Variants in SMYD3 observed in about 807,000 individuals in gnomAD.
The protein encoded by SMYD3 is histone-lysine N-methyltransferase SMYD3.
A neutral mutation model predicts 57.7 loss-of-function variants in SMYD3; 36 were observed. The ratio of observed to expected loss-of-function variants is 0.62; its 90% CI spans 0.48 to 0.82. SMYD3 has a LOEUF of 0.82. Ranked by LOEUF, SMYD3 falls within the 40% of genes least tolerant of loss-of-function variation. SMYD3 has a pLI of 0.00. For missense variants in SMYD3, 515 were observed against 538.8 expected, an observed-to-expected ratio of 0.96 and a Z score of 0.44; for synonymous variants, 211 against 195.0, an observed-to-expected ratio of 1.08 and a Z score of -0.68.
Position 245,948,877 on chromosome 1 carries a change from C to T in SMYD3, c.532-18940G>A, listed in dbSNP as rs188811392. Reference sequence around the variant, plus strand: ...CTTCAGGACACCTGGCCCAGTTCCACCAGCCCCAGTGACCAGGCAAGCCAT... The same window carrying T: ...CTTCAGGACACCTGGCCCAGTTCCATCAGCCCCAGTGACCAGGCAAGCCAT... On this transcript the variant is annotated intron_variant, in intron 5 of 11. Coordinates refer to ENST00000490107, the MANE Select transcript of SMYD3 (RefSeq NM_001167740.2). Among the ~76,000 whole-genome samples the T allele has an allele frequency of 1.3e-4, 20 of 152,356 alleles. No homozygotes were observed. In the East Asian group the frequency reaches 1.4e-3, roughly 10 times the overall value.
intron 10 of SMYD3, chr1:245,814,428 A>G (rs2048672744): frequency 1.0e-6 from 1 of 979,194 alleles, no homozygotes; most frequent in African/African-American, 1.8e-5. Context: ...GGGGGCAAAA[A>G]AAAAATAAAA....
intron 5 of SMYD3, among the ~76,000 whole-genome samples, chr1:246,180,835 A>G (rs934818898): frequency 1.5e-4 from 23 of 148,684 alleles, no homozygotes; most frequent in Non-Finnish European, 3.0e-4. Flanking sequence ...TAATCACTAT[A>G]CCTAGTTTCC....
At chr1:246,213,543 G>A (rs1350446666) in intron 5 of SMYD3, among the ~76,000 whole-genome samples, 1 of 152,090 alleles carries the variant, frequency 6.6e-6, no homozygotes, top group Non-Finnish European at 1.5e-5. Flanking sequence ...ACATTCTCAG[G>A]CCCTGCACAC....
chr1:246,439,687 T>C (rs1274118872), intron 1 of SMYD3, among the ~76,000 whole-genome samples: 1 of 143,848 alleles, frequency 7.0e-6, no homozygotes, highest in Admixed American at 7.3e-5. Context: ...ATAAATGTGC[T>C]AGAAGTACTA....
At chr1:246,056,370 T>C (rs35700971) in intron 5 of SMYD3, among the ~76,000 whole-genome samples, 8,023 of 152,118 alleles carry the variant, frequency 0.053, 270 homozygotes, top group Non-Finnish European at 0.068. Flanking sequence ...ATTCAACAAA[T>C]ACTTAGATAA....
At chr1:246,393,933 ATTGAAAACTAGCATT>A (rs2066614211) in intron 1 of SMYD3, among the ~76,000 whole-genome samples, 1 of 152,204 alleles carries the variant, frequency 6.6e-6, no homozygotes, top group African/African-American at 2.4e-5. Flanking sequence ...TATGGTGAAA[ATTGAAAACTAGCATT>A]AACAGCTAGA....
At chr1:246,106,613 A>G (rs1360695648) in intron 5 of SMYD3, among the ~76,000 whole-genome samples, 3 of 152,196 alleles carry the variant, frequency 2.0e-5, no homozygotes, top group Non-Finnish European at 4.4e-5. Flanking sequence ...AGGTGCCACA[A>G]GTCACTTAGG....
At chr1:246,234,545 A>G (rs1390564673) in intron 5 of SMYD3, among the ~76,000 whole-genome samples, 2 of 152,014 alleles carry the variant, frequency 1.3e-5, no homozygotes, top group African/African-American at 4.8e-5. Context: ...ATAGAGGAGA[A>G]GCACTCCTTC....
intron 5 of SMYD3, among the ~76,000 whole-genome samples, chr1:246,246,401 A>C (rs1206285904): frequency 6.6e-6 from 1 of 152,176 alleles, no homozygotes; most frequent in African/African-American, 2.4e-5. Context: ...CTGGAAAGTA[A>C]GTCTATTTGA....
chr1:245,815,788 C>T (rs1018036348), intron 10 of SMYD3, among the ~76,000 whole-genome samples: 2 of 152,200 alleles, frequency 1.3e-5, no homozygotes, highest in African/African-American at 4.8e-5. Context: ...AAATGAAAAT[C>T]GCTGTTTTTA....
At chr1:246,005,302 A>G (rs1287212325) in intron 5 of SMYD3, among the ~76,000 whole-genome samples, 1 of 152,254 alleles carries the variant, frequency 6.6e-6, no homozygotes, top group East Asian at 1.9e-4. Context: ...GACTCAGCAG[A>G]CAAGTATAAA....
intron 5 of SMYD3, among the ~76,000 whole-genome samples, chr1:246,119,539 A>T (rs772428082): frequency 4.0e-5 from 6 of 151,576 alleles, no homozygotes; most frequent in Admixed American, 1.3e-4. Context: ...CAGCCTCCTG[A>T]GTAGCTGAGA....
intron 1 of SMYD3, 57 bp downstream of exon 1, chr1:246,506,997 C>CCCCCCCCCCCCCCCCCA: frequency 3.2e-6 from 1 of 308,906 alleles, no homozygotes; most frequent in Admixed American, 9.1e-5. Context: ...ACGCCCCCCC[C>CCCCCCCCCCCCCCCCCA]TCCCCAGCAC....
At chr1:246,230,105 T>C in intron 5 of SMYD3, among the ~76,000 whole-genome samples, 1 of 152,170 alleles carries the variant, frequency 6.6e-6, no homozygotes, top group East Asian at 1.9e-4. Context: ...GTGTGAAGAT[T>C]TTCTAATCTG....
At chr1:246,173,680 C>T (rs2062382955) in intron 5 of SMYD3, among the ~76,000 whole-genome samples, 1 of 152,170 alleles carries the variant, frequency 6.6e-6, no homozygotes, top group Admixed American at 6.5e-5. Flanking sequence ...CTTCCACCTC[C>T]ATATCAGATC....
At chr1:245,861,782 C>A (rs2051562293) in intron 9 of SMYD3, among the ~76,000 whole-genome samples, 1 of 152,184 alleles carries the variant, frequency 6.6e-6, no homozygotes, top group Non-Finnish European at 1.5e-5. Flanking sequence ...GTCTTTGATG[C>A]CGCCATAAGT....
At chr1:246,195,632 C>T (rs71638317) in intron 5 of SMYD3, among the ~76,000 whole-genome samples, 3,303 of 152,256 alleles carry the variant, frequency 0.022, 85 homozygotes, top group South Asian at 0.1. Context: ...CACACACACA[C>T]GCACTGAAAG....
At chr1:246,436,846 T>C (rs541239653) in intron 1 of SMYD3, among the ~76,000 whole-genome samples, 77 of 152,088 alleles carry the variant, frequency 5.1e-4, no homozygotes, top group Non-Finnish European at 5.1e-4. Context: ...TCTGCTTTCA[T>C]TCAGTAGAAG....
At chr1:246,229,368 TAGA>T (rs1282537323) in intron 5 of SMYD3, among the ~76,000 whole-genome samples, 6 of 152,230 alleles carry the variant, frequency 3.9e-5, no homozygotes, top group African/African-American at 4.8e-5. Context: ...AAGTTTGTGA[TAGA>T]AGGTGTTACA....
Sources: allele counts gnomAD v4.1 joint callset (sites outside exome capture counted in the v4.1 genomes callset), GRCh38; gene constraint gnomAD v4.1.1; transcripts MANE v1.5; gene names NCBI Gene and HGNC (gene_info 2026-07-23, HGNC 2026-07-21).